Variants in NBAS observed in about 807,000 individuals in gnomAD.
NBAS encodes NAG/BC035112 fusion.
NBAS carries 219 observed loss-of-function variants against 302.5 expected under a neutral mutation model. The ratio of observed to expected loss-of-function variants is 0.72; its 90% confidence interval spans 0.65 to 0.81. NBAS has a LOEUF of 0.81. NBAS is among the 30% of genes least tolerant of loss of function. The pLI, the probability that NBAS is intolerant of heterozygous loss-of-function variation, is 0.00. For synonymous variants in NBAS, 1,118 were observed against 1,021.6 expected, an observed-to-expected ratio of 1.09 and a Z score of -1.80; for missense variants, 2,932 against 2,841.6, an observed-to-expected ratio of 1.03 and a Z score of -0.72.
chr2:15,292,576 T>A lies in NBAS; in HGVS notation c.4988A>T (p.Asp1663Val). The change falls in exon 41 of 52, where the codon GAT becomes GTT. Residue 1663 changes from aspartate to valine, a missense_variant. Asp to Val is a radical substitution (Grantham distance 152, BLOSUM62 -3). Coordinates refer to ENST00000281513, the MANE Select transcript of NBAS (RefSeq NM_015909.4). ...GATAGTTTCCCTTTTATACTGGTCA[T>A]CTGCAGTAAACCGCTGCACGTCCAC... is the stretch of plus-strand genomic sequence containing the variant. ...KGVDVQRFTA[D>V]DQYKRETILG... is the part of the protein sequence containing the mutation. The A allele has an allele frequency of 6.2e-7, 1 of 1,614,228 alleles. No individual in the cohort carries two copies. Among genetic ancestry groups the A allele is most frequent in the Non-Finnish European group, 8.5e-7 (1 of 1,180,050 alleles).
chr2:15,296,191 C>T (rs2148122726), intron 40 of NBAS, among the ~76,000 whole-genome samples: 2 of 152,282 alleles, frequency 1.3e-5, no homozygotes, highest in Middle Eastern at 6.8e-3. Context: ...AGCAAAGGAG[C>T]ATCACCAGGT....
intron 12 of NBAS, chr2:15,483,268 G>A: frequency 3.0e-6 from 1 of 333,746 alleles, no homozygotes; most frequent in Non-Finnish European, 6.3e-6. Flanking sequence ...TCACAGTCTG[G>A]TGAAATTGTG....
the NBAS span, among the ~76,000 whole-genome samples, chr2:14,939,608 T>C: frequency 6.6e-6 from 1 of 152,226 alleles, no homozygotes; most frequent in Non-Finnish European, 1.5e-5. Context: ...TTCTGACTTC[T>C]CTGCATTCTG....
intron 5 of NBAS, among the ~76,000 whole-genome samples, chr2:15,552,277 T>C (rs1307181843): frequency 6.6e-6 from 1 of 152,130 alleles, no homozygotes; most frequent in Non-Finnish European, 1.5e-5. Flanking sequence ...TATAAAGAGA[T>C]TAAACTTTGC....
At chr2:15,085,156 G>T in the NBAS span, among the ~76,000 whole-genome samples, 5 of 152,202 alleles carry the variant, frequency 3.3e-5, no homozygotes, top group Non-Finnish European at 5.9e-5. Context: ...GCTGGGCCCG[G>T]GGTGGTGCCA....
chr2:15,224,150 G>A (rs1366344334), intron 47 of NBAS, among the ~76,000 whole-genome samples: 1 of 152,156 alleles, frequency 6.6e-6, no homozygotes, highest in Non-Finnish European at 1.5e-5. Flanking sequence ...TTACTCTGAG[G>A]TGGAATGAGT....
At chr2:15,125,952 C>T in the NBAS span, among the ~76,000 whole-genome samples, 7 of 152,152 alleles carry the variant, frequency 4.6e-5, no homozygotes, top group Non-Finnish European at 7.4e-5. Flanking sequence ...GTGAGAAGGA[C>T]ATGAGATTTG....
chr2:15,063,228 A>C, the NBAS span, among the ~76,000 whole-genome samples: 1 of 152,244 alleles, frequency 6.6e-6, no homozygotes, highest in African/African-American at 2.4e-5. Context: ...ATGTGCAGTT[A>C]AGAATGGACT....
intron 12 of NBAS, chr2:15,483,345 A>G (rs943965980): frequency 7.7e-5 from 34 of 440,118 alleles, no homozygotes; most frequent in African/African-American, 7.0e-4. Context: ...CTCTTCATTC[A>G]TCTACTTAAG....
the NBAS span, among the ~76,000 whole-genome samples, chr2:14,872,643 G>A: frequency 6.6e-6 from 1 of 151,970 alleles, no homozygotes; most frequent in Non-Finnish European, 1.5e-5. Flanking sequence ...GAGTGTTACA[G>A]CACTTAAAGG....
the NBAS span, among the ~76,000 whole-genome samples, chr2:15,109,759 A>C: frequency 2.6e-5 from 4 of 152,142 alleles, no homozygotes; most frequent in East Asian, 7.8e-4. Context: ...CACCCTCATG[A>C]CCTAGTCATC....
the NBAS span, among the ~76,000 whole-genome samples, chr2:14,904,055 T>C: frequency 1.3e-5 from 2 of 152,338 alleles, no homozygotes; most frequent in South Asian, 4.1e-4. Context: ...CATTTCTCAT[T>C]TTGTGTTTTC....
rs764742887 is a variant in NBAS at position 15,536,476 on chromosome 2, A to G, written c.589T>C (p.Trp197Arg). The stretch of plus-strand genomic sequence containing the variant: ...TTGATGACCAGGAGTTCTGCAGACC[A>G]CTGTGCACTTGCTTTATATTCTAAA... Reference protein sequence around the residue: ...IFLEYKASAQWSAELLVINYR... With the variant: ...IFLEYKASAQRSAELLVINYR... Residue 197 changes from tryptophan (W) to arginine (R), a missense_variant, in exon 8 of 52, where the codon TGG becomes CGG. Physicochemically the swap from Trp to Arg is moderately radical, Grantham distance 101. Coordinates refer to ENST00000281513, the MANE Select transcript of NBAS (RefSeq NM_015909.4). 1 of 1,613,644 alleles carries G rather than the reference A, an allele frequency of 6.2e-7. No individual in the cohort carries two copies.
At chr2:14,838,497 C>A in the NBAS span, among the ~76,000 whole-genome samples, 1 of 151,956 alleles carries the variant, frequency 6.6e-6, no homozygotes, top group Non-Finnish European at 1.5e-5. Context: ...CTAAGCATCA[C>A]TATTTCAAAG....
the NBAS span, among the ~76,000 whole-genome samples, chr2:14,823,731 CT>C: frequency 2.0e-5 from 3 of 152,152 alleles, no homozygotes; most frequent in Admixed American, 6.5e-5. Flanking sequence ...ATAAAAGTTG[CT>C]TTTTTTTCCT....
the NBAS span, among the ~76,000 whole-genome samples, chr2:15,080,948 A>G: frequency 6.6e-6 from 1 of 152,172 alleles, no homozygotes; most frequent in African/African-American, 2.4e-5. Context: ...ATGGTTGAGA[A>G]ACAAACCCAG....
intron 12 of NBAS, among the ~76,000 whole-genome samples, chr2:15,482,437 G>A (rs915535461): frequency 4.6e-5 from 7 of 152,168 alleles, no homozygotes; most frequent in African/African-American, 7.2e-5. Flanking sequence ...ATTTCTGAAG[G>A]TGCCTGTGTC....
At chr2:15,216,007 G>A (rs944252823) in intron 48 of NBAS, among the ~76,000 whole-genome samples, 2 of 152,162 alleles carry the variant, frequency 1.3e-5, no homozygotes, top group Non-Finnish European at 2.9e-5. Flanking sequence ...CAATACTTCT[G>A]CATTCACTCA....
At chr2:15,127,108 T>A in the NBAS span, among the ~76,000 whole-genome samples, 1 of 152,144 alleles carries the variant, frequency 6.6e-6, no homozygotes, top group African/African-American at 2.4e-5. Context: ...GCTCAGAGGA[T>A]CCTGCACTTG....
Sources: allele counts gnomAD v4.1 joint callset (sites outside exome capture counted in the v4.1 genomes callset), GRCh38; gene constraint gnomAD v4.1.1; transcripts MANE v1.5; gene names NCBI Gene and HGNC (gene_info 2026-07-23, HGNC 2026-07-21).